TAF1B: variants seen among roughly 807,000 people sequenced by gnomAD.
TAF1B encodes TATA box-binding protein-associated factor RNA polymerase I subunit B.
In TAF1B, 61 loss-of-function variants were observed where a neutral mutation model predicts 83.9. The observed-to-expected ratio is 0.73, with a 90% confidence interval of 0.59 to 0.90. TAF1B has a LOEUF of 0.90. Among genes scored for constraint, TAF1B ranks in the 40% least tolerant of loss-of-function variants. The pLI is 0.00. For synonymous variants in TAF1B, 221 were observed against 224.6 expected (o/e 0.98, Z 0.14); for missense variants, 625 against 677.0 (o/e 0.92, Z 0.85).
rs57261740 is a variant in TAF1B at position 9,908,028 on chromosome 2, C to CTTTTTTTTTTTT, written c.956-2684_956-2673dup. On this transcript the variant is annotated intron_variant, in intron 9 of 14. Transcript: ENST00000263663. ...AGCGGAGCAGTTCAAGATCTTAATT[C>CTTTTTTTTTTTT]TTTTTTTTTTTTTTTTTTTTTTTTT... Among the ~76,000 whole-genome samples, 13 of 71,768 alleles carry CTTTTTTTTTTTT rather than the reference C, an allele frequency of 1.8e-4. 3 individuals carry two copies. Among genetic ancestry groups the CTTTTTTTTTTTT allele is most frequent in the African/African-American group, 7.9e-4 (10 of 12,710 alleles). 47.1% of individuals were successfully genotyped at this position (71,768 alleles called of 152,430 possible). A position where few individuals can be genotyped will look rare whatever the true frequency, so the allele number is the denominator to read the frequency against.
Position 9,933,822 on chromosome 2 carries a change from TTC to T in TAF1B, c.1609_1610del (p.Leu537GlufsTer22), listed in dbSNP as rs1416548918. ...TGACAACCTATGAAGAATCAAATTATTCTCTGAGTTATCAGTTTATACTAAAT... is the reference window on the plus strand; with the variant it reads ...TGACAACCTATGAAGAATCAAATTATTCTGAGTTATCAGTTTATACTAAAT... Reference protein sequence around the residue: ...HVTTYEESNYSLSYQFILNLF... With the variant: ...HVTTYEESNYXLSYQFILNLF... On this transcript the variant is annotated frameshift_variant, in exon 15 of 15. Coordinates refer to ENST00000263663, the MANE Select transcript of TAF1B (RefSeq NM_005680.3). LOFTEE classifies it high-confidence loss of function. 3 of 1,613,786 alleles carry T rather than the reference TTC, an allele frequency of 1.9e-6. No homozygotes were observed. The highest frequency in any genetic ancestry group is 1.7e-5 in the Admixed American group (1 of 59,950).
chr2:9,927,067 G>A (rs2125184639), intron 14 of TAF1B, among the ~76,000 whole-genome samples: 1 of 107,184 alleles, frequency 9.3e-6, no homozygotes, highest in South Asian at 3.1e-4. Flanking sequence ...TCCCCGCCCT[G>A]TGTCCAAGTG....
intron 4 of TAF1B, among the ~76,000 whole-genome samples, chr2:9,854,090 C>A (rs1276318136): frequency 6.6e-6 from 1 of 152,176 alleles, no homozygotes; most frequent in Non-Finnish European, 1.5e-5. Flanking sequence ...AGCCTGAGAA[C>A]TACTGGTTCA....
rs548774329 is a variant in TAF1B at position 9,923,529 on chromosome 2, A to G, written c.1565+3709A>G. Among the ~76,000 whole-genome samples, 8 of 151,984 alleles carry G rather than the reference A, an allele frequency of 5.3e-5. 1 individual carries two copies. The East Asian group carries it at 1.6e-3, about 30-fold the overall frequency. ...CCCCTGTCTCTACTAAAAATACAAA[A>G]TTAGCTGGATGTGGTGGCGCATGCC... On this transcript the variant is annotated intron_variant, in intron 14 of 14. Coordinates refer to ENST00000263663, the MANE Select transcript of TAF1B (RefSeq NM_005680.3).
intron 14 of TAF1B, among the ~76,000 whole-genome samples, chr2:9,923,237 C>CAA (rs71391173): frequency 0.01 from 1,135 of 113,070 alleles, 18 homozygotes; most frequent in African/African-American, 0.044. Context: ...GACTCCATCT[C>CAA]AAAAAAAAAA....
At chr2:9,847,574 G>T (rs762111743) in intron 2 of TAF1B, among the ~76,000 whole-genome samples, 1 of 151,958 alleles carries the variant, frequency 6.6e-6, no homozygotes, top group Admixed American at 6.6e-5. Context: ...CTCCAGACAC[G>T]CTCTGCAATC....
chr2:9,894,546 GA>G (rs1212812187), intron 8 of TAF1B, among the ~76,000 whole-genome samples: 1 of 152,134 alleles, frequency 6.6e-6, no homozygotes, highest in Non-Finnish European at 1.5e-5. Flanking sequence ...AACCAACAGT[GA>G]ATTACTCAGG....
At position 9,904,840 on chromosome 2, in the gene TAF1B, G is replaced by A; in HGVS notation, c.808-19G>A. ...TTGTTGCAAAAATTGCAACTATGATGGTCTCTCTTTTATTTCAGTCTTGGC... is the reference window on the plus strand; with the variant it reads ...TTGTTGCAAAAATTGCAACTATGATAGTCTCTCTTTTATTTCAGTCTTGGC... On this transcript the variant is annotated intron_variant, in intron 8 of 14. Coordinates refer to ENST00000263663, the MANE Select transcript of TAF1B (RefSeq NM_005680.3). 1 of 1,601,824 alleles carries A rather than the reference G, an allele frequency of 6.2e-7. No homozygotes were observed. The highest frequency in any genetic ancestry group is 8.5e-7 in the Non-Finnish European group (1 of 1,173,124).
intron 4 of TAF1B, among the ~76,000 whole-genome samples, chr2:9,853,055 G>GA (rs1240935899): frequency 2.6e-5 from 4 of 152,298 alleles, no homozygotes; most frequent in African/African-American, 9.6e-5. Context: ...GCTGATAGTG[G>GA]GGGGGTTGTG....
At chr2:9,930,567 G>A (rs1325948983) in intron 14 of TAF1B, among the ~76,000 whole-genome samples, 3 of 152,154 alleles carry the variant, frequency 2.0e-5, no homozygotes, top group Non-Finnish European at 4.4e-5. Flanking sequence ...CATTTGCTGA[G>A]GAGTGCTTTA....
chr2:9,863,107 A>G (rs1663834801), intron 5 of TAF1B, among the ~76,000 whole-genome samples: 1 of 152,218 alleles, frequency 6.6e-6, no homozygotes, highest in South Asian at 2.1e-4. Flanking sequence ...TATTAACCTT[A>G]AATGTAAATG....
intron 8 of TAF1B, among the ~76,000 whole-genome samples, chr2:9,903,780 G>A (rs1665260861): frequency 6.6e-6 from 1 of 152,188 alleles, no homozygotes; most frequent in African/African-American, 2.4e-5. Context: ...GAGCAGTCAT[G>A]ACAACATTAT....
At chr2:9,916,399 G>A (rs2125176510) in intron 12 of TAF1B, among the ~76,000 whole-genome samples, 1 of 152,312 alleles carries the variant, frequency 6.6e-6, no homozygotes, top group South Asian at 2.1e-4. Flanking sequence ...GAACACTTAA[G>A]AGTATTTTTA....
intron 8 of TAF1B, among the ~76,000 whole-genome samples, chr2:9,903,800 T>G (rs1665261684): frequency 6.6e-6 from 1 of 152,180 alleles, no homozygotes; most frequent in Non-Finnish European, 1.5e-5. Context: ...TAACTCTGAT[T>G]GGGTTGTAGC....
intron 2 of TAF1B, among the ~76,000 whole-genome samples, chr2:9,847,363 T>C (rs1572208174): frequency 3.3e-5 from 5 of 152,310 alleles, no homozygotes; most frequent in African/African-American, 1.2e-4. Context: ...TCCAGGCATG[T>C]TCTTCACATG....
At chr2:9,885,139 A>G (rs956528770) in intron 8 of TAF1B, among the ~76,000 whole-genome samples, 1 of 152,224 alleles carries the variant, frequency 6.6e-6, no homozygotes, top group Non-Finnish European at 1.5e-5. Context: ...AAGTAGGCAA[A>G]CAGGCTAAAA....
chr2:9,919,221 A>C, intron 13 of TAF1B, 110 bp downstream of exon 13: 2 of 870,724 alleles, frequency 2.3e-6, no homozygotes, highest in Non-Finnish European at 3.6e-6. Flanking sequence ...TTTTAAACAA[A>C]TGTTCCAGGG....
intron 8 of TAF1B, among the ~76,000 whole-genome samples, chr2:9,899,459 C>T (rs1183192105): frequency 1.3e-5 from 2 of 152,070 alleles, no homozygotes; most frequent in South Asian, 2.1e-4. Context: ...TATACATTTA[C>T]ATACATACAT....
intron 1 of TAF1B, chr2:9,844,371 T>C (rs555544947): frequency 6.6e-6 from 1 of 152,188 alleles, no homozygotes; most frequent in Non-Finnish European, 1.5e-5. Context: ...TTGTCCAGAC[T>C]GGTATTGAAC....
Sources: gnomAD v4.1 joint callset for allele counts (sites outside exome capture counted in the v4.1 genomes callset) on GRCh38, gnomAD v4.1.1 for gene constraint, MANE v1.5 for transcripts, NCBI Gene and HGNC (gene_info 2026-07-23, HGNC 2026-07-21) for gene names.